Variants in LRP6 observed in about 807,000 individuals in gnomAD.
LRP6 encodes LDL receptor related protein 6.
In LRP6, 43 loss-of-function variants were observed where a neutral mutation model predicts 184.1. That is an observed-to-expected ratio of 0.23 (90% confidence interval 0.18 to 0.30). LRP6 has a LOEUF of 0.30. Ranked by LOEUF, LRP6 falls within the 10% of genes least tolerant of loss-of-function variation. LRP6 has a pLI of 1.00. For synonymous variants in LRP6, 719 were observed against 684.9 expected, an observed-to-expected ratio of 1.05 and a Z score of -0.78; for missense variants, 1,571 against 2,005.3, an observed-to-expected ratio of 0.78 and a Z score of 4.14.
In LRP6 at chr12:12,208,900, A is replaced by G. The variant is rs142470622; in HGVS notation, c.450-5500T>C. 2.6e-3 allele frequency among the ~76,000 whole-genome samples: 390 copies of G among 152,346 alleles called. 3 individuals carry two copies. Among genetic ancestry groups the G allele is most frequent in the African/African-American group, 8.7e-3 (361 of 41,580 alleles). Reference sequence around the variant, plus strand: ...ATATCTTTAATACACAAATCAATTGATATTTCCATCTTGATAGAGTAATAC... The same window carrying G: ...ATATCTTTAATACACAAATCAATTGGTATTTCCATCTTGATAGAGTAATAC... On this transcript the variant is annotated intron_variant, in intron 2 of 22. Transcript: ENST00000261349.
intron 1 of LRP6, chr12:12,249,014 G>A: frequency 3.3e-6 from 2 of 613,918 alleles, no homozygotes; most frequent in South Asian, 3.6e-5. Flanking sequence ...AGGCTCGGGG[G>A]TAAAAGTCCC....
chr12:12,150,314 G>C (rs756801310), intron 13 of LRP6, among the ~76,000 whole-genome samples: 25 of 152,116 alleles, frequency 1.6e-4, no homozygotes, highest in South Asian at 4.1e-4. Flanking sequence ...TAACATGTTA[G>C]ATGTTTTTAA....
chr12:12,199,540 G>A (rs1275754338), intron 3 of LRP6, among the ~76,000 whole-genome samples: 1 of 152,224 alleles, frequency 6.6e-6, no homozygotes, highest in Non-Finnish European at 1.5e-5. Context: ...CCAAACATAA[G>A]TGAGTGAGAG....
chr12:12,198,752 T>C (rs1402779790), intron 3 of LRP6, among the ~76,000 whole-genome samples: 3 of 152,102 alleles, frequency 2.0e-5, no homozygotes, highest in Non-Finnish European at 4.4e-5. Flanking sequence ...AAGGCTGGTC[T>C]CGAACTCCTG....
Position 12,126,917 on chromosome 12 carries a change from CG to C in LRP6, c.4085del (p.Pro1362ArgfsTer19). The C allele has an allele frequency of 1.2e-6, 2 of 1,611,906 alleles. No homozygotes were observed. Among genetic ancestry groups the C allele is most frequent in the Non-Finnish European group, 8.5e-7 (1 of 1,178,108 alleles). On this transcript the variant is annotated frameshift_variant, in exon 20 of 23. Coordinates refer to ENST00000261349, the MANE Select transcript of LRP6 (RefSeq NM_002336.3). LOFTEE classifies it high-confidence loss of function. ...SDKSDELDCY[P>X]TEEPAPQATN... is the part of the protein sequence containing the mutation. ...TGGCCTGTGGTGCTGGTTCTTCAGT[CG>C]GATCTACAATGAAGAATGCAGTATG...
intron 13 of LRP6, among the ~76,000 whole-genome samples, chr12:12,150,165 C>T (rs1398328610): frequency 6.6e-6 from 1 of 152,172 alleles, no homozygotes; most frequent in South Asian, 2.1e-4. Context: ...GGCTCGGCCA[C>T]AGAAAGCAAG....
intron 3 of LRP6, among the ~76,000 whole-genome samples, chr12:12,201,752 T>C (rs537611121): frequency 2.0e-5 from 3 of 152,340 alleles, no homozygotes; most frequent in African/African-American, 7.2e-5. Flanking sequence ...CAGCCAGATT[T>C]GAGGTCAAAA....
At chr12:12,183,241 TACA>T (rs986371375) in intron 5 of LRP6, among the ~76,000 whole-genome samples, 10 of 152,166 alleles carry the variant, frequency 6.6e-5, no homozygotes, top group African/African-American at 1.4e-4. Context: ...CACAGCTAAA[TACA>T]ACAATTTTCT....
At chr12:12,126,597 C>G in intron 20 of LRP6, 94 bp downstream of exon 20, 4 of 984,152 alleles carry the variant, frequency 4.1e-6, no homozygotes, top group Non-Finnish European at 6.5e-6. Flanking sequence ...AATATGGTTT[C>G]AGACAGACTC....
chr12:12,116,473 A>T lies in LRP6; in HGVS notation c.*4653T>A, dbSNP rs933011777. On this transcript the variant is annotated 3_prime_UTR_variant, in exon 23 of 23. Transcript: ENST00000261349. ...TATTGGATTTAATCAGACTTTAAAA[A>T]TTTTCCCTTTAATACCCATATTTAG... 5 of 151,770 alleles carry T rather than the reference A, an allele frequency of 3.3e-5. No individual in the cohort carries two copies. Among genetic ancestry groups the T allele is most frequent in the African/African-American group, 7.3e-5 (3 of 41,084 alleles). 9.4% of individuals were successfully genotyped at this position (151,770 alleles called of 1,614,324 possible).
chr12:12,133,025 C>T (rs998372632), intron 17 of LRP6, among the ~76,000 whole-genome samples: 6 of 152,180 alleles, frequency 3.9e-5, no homozygotes, highest in Non-Finnish European at 8.8e-5. Context: ...TTGCAGATTA[C>T]AGGTGAACAT....
At chr12:12,257,500 G>C (rs565449399) in intron 1 of LRP6, among the ~76,000 whole-genome samples, 2 of 149,336 alleles carry the variant, frequency 1.3e-5, no homozygotes, top group East Asian at 2.0e-4. Context: ...AGAATGGCAT[G>C]AATCTGGGAG....
Position 12,138,039 on chromosome 12 carries a change from C to T in LRP6, c.3607+286G>A, listed in dbSNP as rs144131486. On this transcript the variant is annotated intron_variant, in intron 16 of 22. Transcript: ENST00000261349. ...AAAAAAAATTAGCGAGGCATGGTGG[C>T]ATGCACCTGTAATCCCAGCTACTCT... 3.8e-3 allele frequency among the ~76,000 whole-genome samples: 571 copies of T among 151,752 alleles called. 3 individuals are homozygous for T. Among genetic ancestry groups the T allele is most frequent in the African/African-American group, 0.012 (501 of 41,412 alleles).
In LRP6 at chr12:12,199,251, G is replaced by A. The variant is rs191765465; in HGVS notation, c.647+3952C>T. Among the ~76,000 whole-genome samples the A allele has an allele frequency of 8.5e-5, 13 of 152,128 alleles. No homozygotes were observed. The South Asian group carries it at 1.5e-3, about 17-fold the overall frequency. ...GCATGAACACATATTATAAAAGTAC[G>A]TAGGGTCAAAGGAACAGGACCACCA... On this transcript the variant is annotated intron_variant, in intron 3 of 22. Coordinates refer to ENST00000261349, the MANE Select transcript of LRP6 (RefSeq NM_002336.3).
intron 5 of LRP6, 72 bp downstream of exon 5, chr12:12,183,908 A>AT: frequency 7.1e-7 from 1 of 1,411,662 alleles, no homozygotes; most frequent in Non-Finnish European, 1.0e-6. Flanking sequence ...TAGAGAGCTG[A>AT]TTATAGAGAA....
At chr12:12,122,846 TA>T (rs144490473) in intron 22 of LRP6, among the ~76,000 whole-genome samples, 3,603 of 151,534 alleles carry the variant, frequency 0.024, 152 homozygotes, top group African/African-American at 0.082. Flanking sequence ...AAAATAAAAA[TA>T]AAAATAAAAA....
At chr12:12,123,764 C>T (rs1427607054) in intron 22 of LRP6, among the ~76,000 whole-genome samples, 2 of 152,190 alleles carry the variant, frequency 1.3e-5, no homozygotes, top group African/African-American at 4.8e-5. Flanking sequence ...CTTACAAATA[C>T]ACTTTATTTA....
chr12:12,185,147 A>T (rs1177071604), intron 4 of LRP6, among the ~76,000 whole-genome samples: 1 of 152,082 alleles, frequency 6.6e-6, no homozygotes, highest in African/African-American at 2.4e-5. Flanking sequence ...AAAAATACTA[A>T]AATTAGCCAG....
chr12:12,263,550 CAA>C (rs71061036), intron 1 of LRP6, among the ~76,000 whole-genome samples: 4 of 135,870 alleles, frequency 2.9e-5, no homozygotes, highest in Admixed American at 7.4e-5. Context: ...GAATCCGTCT[CAA>C]AAAAAAAAAA....
Sources: gnomAD v4.1 joint callset for allele counts (sites outside exome capture counted in the v4.1 genomes callset) on GRCh38, gnomAD v4.1.1 for gene constraint, MANE v1.5 for transcripts, NCBI Gene and HGNC (gene_info 2026-07-23, HGNC 2026-07-21) for gene names.